The following GKAP1 variants were observed in gnomAD, a reference collection of about 807,000 sequenced individuals.
GKAP1 encodes the protein G kinase anchoring protein 1.
GKAP1 carries 31 observed loss-of-function variants against 56.7 expected under a neutral mutation model. The observed-to-expected ratio is 0.55, with a 90% CI of 0.41 to 0.74. GKAP1 has a LOEUF of 0.74. GKAP1 is among the 30% of genes least tolerant of loss of function. The pLI is 0.00. For synonymous variants in GKAP1, 151 were observed against 138.6 expected, an observed-to-expected ratio of 1.09 and a Z score of -0.63; for missense variants, 364 against 402.3, an observed-to-expected ratio of 0.90 and a Z score of 0.82.
chr9:83,809,893 G>A (rs908940852), intron 2 of GKAP1, among the ~76,000 whole-genome samples: 110 of 152,266 alleles, frequency 7.2e-4, no homozygotes, highest in Non-Finnish European at 1.3e-3. Flanking sequence ...CTGCAGCCTC[G>A]ACTTCCTGGG....
intron 2 of GKAP1, among the ~76,000 whole-genome samples, chr9:83,812,739 C>T (rs1203389378): frequency 1.3e-5 from 2 of 151,632 alleles, no homozygotes; most frequent in Non-Finnish European, 2.9e-5. Flanking sequence ...ATAATGTAAT[C>T]AATACAATAT....
rs199543115 is a variant in GKAP1 at position 83,768,989 on chromosome 9, G to A, written c.586-19C>T. On this transcript the variant is annotated intron_variant, in intron 7 of 12. Transcript: ENST00000376371. ...TCAATTCCTGTCAAAAATGAATTAC[G>A]ATTTACTATCATTCAACATGCACTG... The A allele has an allele frequency of 1.9e-6, 3 of 1,596,410 alleles. No individual in the cohort carries two copies. Among genetic ancestry groups the A allele is most frequent in the Admixed American group, 1.7e-5 (1 of 58,700 alleles).
chr9:83,771,828 A>T (rs910194244), intron 7 of GKAP1, among the ~76,000 whole-genome samples: 1 of 152,248 alleles, frequency 6.6e-6, no homozygotes, highest in East Asian at 1.9e-4. Context: ...ACATACTGCT[A>T]GCAACTAATC....
chr9:83,790,960 G>A (rs753002893), intron 4 of GKAP1, among the ~76,000 whole-genome samples: 32 of 152,204 alleles, frequency 2.1e-4, no homozygotes, highest in Non-Finnish European at 3.7e-4. Flanking sequence ...ATGTCACATA[G>A]TCTGATGATA....
intron 2 of GKAP1, 30 bp from the exon 3 acceptor site, chr9:83,806,590 G>C: frequency 8.0e-7 from 1 of 1,245,842 alleles, no homozygotes. Flanking sequence ...TAGGCAGATG[G>C]GTAAACAAAC....
intron 7 of GKAP1, among the ~76,000 whole-genome samples, chr9:83,772,980 G>A (rs1943788599): frequency 6.6e-6 from 1 of 152,104 alleles, no homozygotes; most frequent in South Asian, 2.1e-4. Flanking sequence ...ATTGCTGGTG[G>A]GAGTGAAAAA....
intron 4 of GKAP1, among the ~76,000 whole-genome samples, chr9:83,798,500 A>G (rs1219437473): frequency 6.6e-6 from 1 of 152,172 alleles, no homozygotes; most frequent in Non-Finnish European, 1.5e-5. Context: ...TTTTTTAAGC[A>G]AAACTGTCAC....
At chr9:83,781,374 C>T (rs986033485) in intron 6 of GKAP1, among the ~76,000 whole-genome samples, 1 of 152,052 alleles carries the variant, frequency 6.6e-6, no homozygotes, top group African/African-American at 2.4e-5. Context: ...AAATAAAGTA[C>T]AAATAGTGGG....
At chr9:83,767,304 C>CA (rs1455134679) in intron 8 of GKAP1, among the ~76,000 whole-genome samples, 6 of 151,992 alleles carry the variant, frequency 3.9e-5, no homozygotes, top group Non-Finnish European at 8.8e-5. Context: ...ACTTTTGCTG[C>CA]AAAGGGTCCA....
intron 3 of GKAP1, among the ~76,000 whole-genome samples, chr9:83,804,095 G>C (rs1256925956): frequency 6.7e-6 from 1 of 150,312 alleles, no homozygotes; most frequent in African/African-American, 2.5e-5. Flanking sequence ...GTCTCCGCCC[G>C]GCAGCCGCCC....
At chr9:83,798,899 A>G (rs1246452282) in intron 4 of GKAP1, among the ~76,000 whole-genome samples, 1 of 152,144 alleles carries the variant, frequency 6.6e-6, no homozygotes, top group African/African-American at 2.4e-5. Context: ...ATAATTTAAT[A>G]CTGTTCCCCT....
intron 2 of GKAP1, among the ~76,000 whole-genome samples, chr9:83,808,238 A>T (rs1587743360): frequency 1.3e-5 from 2 of 152,352 alleles, no homozygotes; most frequent in Middle Eastern, 6.8e-3. Context: ...TCAAAATGGA[A>T]AAGAAATTCC....
chr9:83,804,757 G>A (rs1283216882), intron 3 of GKAP1, among the ~76,000 whole-genome samples: 10 of 149,100 alleles, frequency 6.7e-5, no homozygotes, highest in African/African-American at 2.0e-4. Flanking sequence ...CACCCCGTCC[G>A]GGAGGTGAGG....
chr9:83,768,971 C>T lies in GKAP1; in HGVS notation c.586-1G>A. 1 of 1,603,606 alleles carries T rather than the reference C, an allele frequency of 6.2e-7. No individual in the cohort carries two copies. Among genetic ancestry groups the T allele is most frequent in the Non-Finnish European group, 8.5e-7 (1 of 1,176,678 alleles). ...ATAAAGTCTGAGAAGAACTCAATTC[C>T]TGTCAAAAATGAATTACGATTTACT... On this transcript the variant is annotated splice_acceptor_variant, in intron 7 of 12. Coordinates refer to ENST00000376371, the MANE Select transcript of GKAP1 (RefSeq NM_025211.4). LOFTEE classifies it high-confidence loss of function.
chr9:83,793,434 T>C (rs567586403), intron 4 of GKAP1, among the ~76,000 whole-genome samples: 28 of 152,356 alleles, frequency 1.8e-4, no homozygotes, highest in African/African-American at 5.3e-4. Flanking sequence ...AGTAGTCTTA[T>C]TGAACATAAT....
intron 8 of GKAP1, among the ~76,000 whole-genome samples, chr9:83,763,666 TG>T (rs1444425594): frequency 2.0e-5 from 3 of 152,218 alleles, no homozygotes; most frequent in Non-Finnish European, 4.4e-5. Flanking sequence ...CCCTTTCCTG[TG>T]AATTACTATA....
At chr9:83,769,101 G>C in intron 7 of GKAP1, 131 bp from the exon 8 acceptor site, 8 of 589,018 alleles carry the variant, frequency 1.4e-5, no homozygotes, top group Non-Finnish European at 8.5e-6. Flanking sequence ...AAAAAAGAAA[G>C]AAAAATGACA....
chr9:83,749,043 C>T (rs1943341996), intron 9 of GKAP1: 1 of 152,006 alleles, frequency 6.6e-6, no homozygotes, highest in Non-Finnish European at 1.5e-5. Context: ...TCTTTCAACT[C>T]TTTTTCAATT....
At chr9:83,786,007 C>A (rs1288899238) in intron 5 of GKAP1, among the ~76,000 whole-genome samples, 1 of 152,096 alleles carries the variant, frequency 6.6e-6, no homozygotes, top group Non-Finnish European at 1.5e-5. Context: ...CTTCAGAATG[C>A]CTACTTTCCT....
Sources: gnomAD v4.1 joint callset for allele counts (sites outside exome capture counted in the v4.1 genomes callset) on GRCh38, gnomAD v4.1.1 for gene constraint, MANE v1.5 for transcripts, NCBI Gene and HGNC (gene_info 2026-07-23, HGNC 2026-07-21) for gene names.